Variants in SPHKAP observed in about 807,000 individuals in gnomAD.
SPHKAP encodes the protein A-kinase anchor protein SPHKAP.
A neutral mutation model predicts 137.5 loss-of-function variants in SPHKAP; 67 were observed. The observed-to-expected ratio is 0.49, with a 90% CI of 0.40 to 0.60. The LOEUF is 0.60. SPHKAP is among the 20% of genes least tolerant of loss of function. The pLI, the probability that SPHKAP is intolerant of heterozygous loss-of-function variation, is 0.00. For missense variants in SPHKAP, 2,097 were observed against 2,069.3 expected (o/e 1.01, Z -0.26); for synonymous variants, 813 against 785.3 (o/e 1.04, Z -0.59).
At chr2:228,108,705 T>C in intron 3 of SPHKAP, 127 bp downstream of exon 3, 2 of 642,232 alleles carry the variant, frequency 3.1e-6, no homozygotes, top group Non-Finnish European at 2.6e-6. Context: ...ACCCGCTATG[T>C]ATTTTCAAAG....
chr2:228,128,965 C>T (rs941559545), intron 2 of SPHKAP, among the ~76,000 whole-genome samples: 5 of 151,996 alleles, frequency 3.3e-5, no homozygotes, highest in African/African-American at 1.2e-4. Context: ...ACATAGGGGC[C>T]CTAGGATTTT....
chr2:228,086,287 T>C (rs1697535412), intron 3 of SPHKAP, among the ~76,000 whole-genome samples: 1 of 152,180 alleles, frequency 6.6e-6, no homozygotes, highest in Non-Finnish European at 1.5e-5. Flanking sequence ...AGAGATAGTC[T>C]GTGAAAGTTA....
At chr2:228,004,317 C>G (rs539787886) in intron 7 of SPHKAP, among the ~76,000 whole-genome samples, 2 of 152,084 alleles carry the variant, frequency 1.3e-5, no homozygotes, top group African/African-American at 4.8e-5. Context: ...GGAATTTATC[C>G]GTTTCTTCTA....
At chr2:228,169,377 A>G (rs959853954) in intron 1 of SPHKAP, among the ~76,000 whole-genome samples, 1 of 152,138 alleles carries the variant, frequency 6.6e-6, no homozygotes, top group Non-Finnish European at 1.5e-5. Flanking sequence ...GTGCTAATGC[A>G]GCTGGTGACT....
chr2:228,124,732 AAAG>A (rs1458041430), intron 2 of SPHKAP, among the ~76,000 whole-genome samples: 1 of 74,112 alleles, frequency 1.3e-5, no homozygotes, highest in African/African-American at 3.5e-5. Flanking sequence ...TAAAGTATAA[AAAG>A]AAAAAAGTCT....
At chr2:228,092,452 G>GTATATATGTGCCATATATACATA (rs1697815052) in intron 3 of SPHKAP, among the ~76,000 whole-genome samples, 1 of 22,684 alleles carries the variant, frequency 4.4e-5, no homozygotes, top group Non-Finnish European at 9.1e-5. Context: ...CCATATATAT[G>GTATATATGTGCCATATATACATA]TATACATATA....
At chr2:228,035,587 C>T (rs915750781) in intron 3 of SPHKAP, among the ~76,000 whole-genome samples, 5 of 152,146 alleles carry the variant, frequency 3.3e-5, no homozygotes, top group Non-Finnish European at 7.4e-5. Context: ...AATCCTAAGC[C>T]AAAGGAACAA....
chr2:228,001,225 A>G (rs1693844582), intron 7 of SPHKAP, among the ~76,000 whole-genome samples: 1 of 133,510 alleles, frequency 7.5e-6, no homozygotes, highest in South Asian at 2.6e-4. Flanking sequence ...TTTCTTTTAT[A>G]TAAACATATA....
At chr2:228,085,495 A>C (rs781489317) in intron 3 of SPHKAP, among the ~76,000 whole-genome samples, 1 of 152,240 alleles carries the variant, frequency 6.6e-6, no homozygotes, top group Non-Finnish European at 1.5e-5. Flanking sequence ...TTGGTACTAC[A>C]GAGAATGACT....
At chr2:228,151,587 A>T (rs920695712) in intron 1 of SPHKAP, among the ~76,000 whole-genome samples, 2 of 152,092 alleles carry the variant, frequency 1.3e-5, no homozygotes, top group Non-Finnish European at 2.9e-5. Context: ...CATCCTCTCC[A>T]GCACCTGTTG....
At chr2:228,152,417 G>T (rs188534630) in intron 1 of SPHKAP, among the ~76,000 whole-genome samples, 2 of 152,166 alleles carry the variant, frequency 1.3e-5, no homozygotes, top group African/African-American at 4.8e-5. Context: ...CCATTTTAAA[G>T]TTCCTTTTGC....
chr2:228,101,721 G>T (rs1349883008), intron 3 of SPHKAP, among the ~76,000 whole-genome samples: 5 of 152,240 alleles, frequency 3.3e-5, no homozygotes, highest in Admixed American at 3.3e-4. Context: ...GGAGCCTATG[G>T]GGTTCAAACC....
chr2:228,109,300 C>T (rs1405935974), intron 2 of SPHKAP: 1 of 886,886 alleles, frequency 1.1e-6, no homozygotes, highest in African/African-American at 1.8e-5. Context: ...TGTTCTTTCA[C>T]ACTCCATAAG....
intron 11 of SPHKAP, among the ~76,000 whole-genome samples, chr2:227,983,546 G>A (rs1693087306): frequency 6.6e-6 from 1 of 152,122 alleles, no homozygotes; most frequent in African/African-American, 2.4e-5. Flanking sequence ...GCACATAGTA[G>A]GTGCTCCATG....
At position 228,015,526 on chromosome 2, in the gene SPHKAP, G is replaced by T. The variant is rs1206388069; in HGVS notation, c.4448+880C>A. On this transcript the variant is annotated intron_variant, in intron 7 of 11. Transcript: ENST00000392056. Reference sequence around the variant, plus strand: ...CCAAAGCTAAAGAAATGATACAATGGTCTCATATTCAAGAATCTTATAAAT... The same window carrying T: ...CCAAAGCTAAAGAAATGATACAATGTTCTCATATTCAAGAATCTTATAAAT... Among the ~76,000 whole-genome samples the T allele has an allele frequency of 2.6e-5, 4 of 152,128 alleles. No individual in the cohort carries two copies. The East Asian group carries it at 7.7e-4, about 29-fold the overall frequency.
intron 3 of SPHKAP, among the ~76,000 whole-genome samples, chr2:228,078,017 C>T (rs567271442): frequency 6.6e-6 from 1 of 152,254 alleles, no homozygotes; most frequent in East Asian, 1.9e-4. Context: ...GCACAAGCCC[C>T]CTTTGCCTGC....
chr2:228,140,207 G>A (rs1051339479), intron 1 of SPHKAP, among the ~76,000 whole-genome samples: 1 of 150,870 alleles, frequency 6.6e-6, no homozygotes, highest in Non-Finnish European at 1.5e-5. Flanking sequence ...TTGGCCTCTC[G>A]AAGTGTGGAG....
At chr2:228,096,283 A>G (rs1330570087) in intron 3 of SPHKAP, among the ~76,000 whole-genome samples, 1 of 152,128 alleles carries the variant, frequency 6.6e-6, no homozygotes, top group African/African-American at 2.4e-5. Context: ...GTGCAATTAT[A>G]CCTACTGGAT....
intron 1 of SPHKAP, among the ~76,000 whole-genome samples, chr2:228,156,567 A>G (rs1310032221): frequency 6.6e-6 from 1 of 152,218 alleles, no homozygotes; most frequent in Non-Finnish European, 1.5e-5. Flanking sequence ...TTGTAAAACC[A>G]AGTAGAAATC....
Sources: allele counts gnomAD v4.1 joint callset (sites outside exome capture counted in the v4.1 genomes callset), GRCh38; gene constraint gnomAD v4.1.1; transcripts MANE v1.5; gene names NCBI Gene and HGNC (gene_info 2026-07-23, HGNC 2026-07-21).